Variants in PPFIBP2 observed in about 807,000 individuals in gnomAD.
The protein encoded by PPFIBP2 is liprin-beta-2.
PPFIBP2 carries 118 observed loss-of-function variants against 118.3 expected under a neutral mutation model. The ratio of observed to expected loss-of-function variants is 1.00; its 90% CI spans 0.86 to 1.16. The LOEUF (loss-of-function observed/expected upper bound fraction) is 1.16. Ranked by LOEUF, PPFIBP2 falls within the 50% of genes most tolerant of loss-of-function variation. The probability of loss-of-function intolerance (pLI) is 0.00; values close to 1 mark genes in which losing one functional copy is unlikely to be tolerated. For missense variants in PPFIBP2, 1,195 were observed against 1,073.1 expected (o/e 1.11, Z -1.59); for synonymous variants, 414 against 397.4 (o/e 1.04, Z -0.50).
At chr11:7,598,151 T>TTAAA in intron 5 of PPFIBP2, 1 of 161,280 alleles carries the variant, frequency 6.2e-6, no homozygotes, top group Non-Finnish European at 1.4e-5. Flanking sequence ...AAAAAGATAT[T>TTAAA]TAACTGTTCC....
Position 7,650,918 on chromosome 11 carries a change from G to C in PPFIBP2, c.2200G>C (p.Glu734Gln), listed in dbSNP as rs779434669. Reference sequence around the variant, plus strand: ...GTGGTTACGATCTGTGGACCTGGCAGAGTATGCACCCAATCTTCGAGGGAG... The same window carrying C: ...GTGGTTACGATCTGTGGACCTGGCACAGTATGCACCCAATCTTCGAGGGAG... ...MEWLRSVDLA[E>Q]YAPNLRGSGV... is the part of the protein sequence containing the mutation. Residue 734 changes from glutamate (E) to glutamine (Q), a missense_variant, in exon 22 of 24, where the codon GAG becomes CAG. Physicochemically the swap from Glu to Gln is conservative, Grantham distance 29. Transcript: ENST00000299492. 1.9e-6 allele frequency: 3 copies of C among 1,614,012 alleles called. No homozygotes were observed. Among genetic ancestry groups the C allele is most frequent in the East Asian group, 2.2e-5 (1 of 44,890 alleles).
chr11:7,559,268 G>T (rs1053606444), intron 2 of PPFIBP2, among the ~76,000 whole-genome samples: 39 of 152,154 alleles, frequency 2.6e-4, no homozygotes, highest in Non-Finnish European at 3.2e-4. Flanking sequence ...GTGGTTTATG[G>T]TGTCTTCTAA....
chr11:7,585,281 A>C lies in PPFIBP2; in HGVS notation c.280-7851A>C, dbSNP rs117078315. On this transcript the variant is annotated intron_variant, in intron 3 of 23. Coordinates refer to ENST00000299492, the MANE Select transcript of PPFIBP2 (RefSeq NM_003621.5). ...AGATGCATTTTGAGGATCCCAAGGC[A>C]AGAGCTCTGAGAAGCAACTGTTGGC... 3.7e-4 allele frequency among the ~76,000 whole-genome samples: 56 copies of C among 152,360 alleles called. No homozygotes were observed. The East Asian group carries it at 6.4e-3, about 17-fold the overall frequency.
intron 2 of PPFIBP2, among the ~76,000 whole-genome samples, chr11:7,562,434 G>A (rs946617736): frequency 6.6e-6 from 1 of 152,188 alleles, no homozygotes; most frequent in Non-Finnish European, 1.5e-5. Flanking sequence ...TAAAGCAGAA[G>A]GAGTCACAGT....
chr11:7,642,246 G>A, intron 16 of PPFIBP2, 52 bp from the exon 17 acceptor site: 1 of 1,603,622 alleles, frequency 6.2e-7, no homozygotes, highest in Non-Finnish European at 8.5e-7. Flanking sequence ...CACAGTGACT[G>A]TAGGCTTTCT....
the PPFIBP2 span, chr11:7,666,811 T>G: frequency 3.1e-6 from 1 of 319,950 alleles, no homozygotes; most frequent in Non-Finnish European, 5.9e-6. Flanking sequence ...CGCCTCCAAC[T>G]AGAAGGACCT....
chr11:7,550,823 G>T (rs759409362), intron 2 of PPFIBP2, among the ~76,000 whole-genome samples: 25 of 152,084 alleles, frequency 1.6e-4, no homozygotes, highest in Non-Finnish European at 3.5e-4. Context: ...ATATAAAACA[G>T]GCAGAAAAAC....
intron 5 of PPFIBP2, among the ~76,000 whole-genome samples, chr11:7,602,644 A>G (rs1162866265): frequency 1.3e-5 from 2 of 152,198 alleles, no homozygotes; most frequent in African/African-American, 2.4e-5. Context: ...TTCAATGTCA[A>G]AACAACACAG....
intron 3 of PPFIBP2, among the ~76,000 whole-genome samples, chr11:7,570,426 G>A (rs1855536835): frequency 6.6e-6 from 1 of 152,216 alleles, no homozygotes; most frequent in African/African-American, 2.4e-5. Flanking sequence ...CAGCCAGCCA[G>A]TCTGTTCTGC....
At chr11:7,654,422 A>G (rs1270102746), downstream of PPFIBP2, among the ~76,000 whole-genome samples, 3 of 152,154 alleles carry the variant, frequency 2.0e-5, no homozygotes, top group Non-Finnish European at 4.4e-5. Context: ...GAGTAACACC[A>G]CGTCACCGCT....
chr11:7,528,545 G>A (rs1235297283), intron 1 of PPFIBP2, among the ~76,000 whole-genome samples: 1 of 152,190 alleles, frequency 6.6e-6, no homozygotes, highest in African/African-American at 2.4e-5. Flanking sequence ...GGATACCAAG[G>A]TGTCAGCCCT....
chr11:7,527,062 G>A (rs1012165467), intron 1 of PPFIBP2, among the ~76,000 whole-genome samples: 1 of 150,642 alleles, frequency 6.6e-6, no homozygotes, highest in Non-Finnish European at 1.5e-5. Context: ...TGATCCAGGA[G>A]GACACTGGTC....
chr11:7,645,378 T>A (rs112250298), intron 17 of PPFIBP2, among the ~76,000 whole-genome samples: 2 of 152,220 alleles, frequency 1.3e-5, no homozygotes, highest in Non-Finnish European at 2.9e-5. Context: ...TAATGAACTG[T>A]AAATTATAAA....
chr11:7,651,088 C>A, intron 22 of PPFIBP2, 123 bp downstream of exon 22: 2 of 1,049,096 alleles, frequency 1.9e-6, no homozygotes, highest in Non-Finnish European at 2.7e-6. Flanking sequence ...GGAGGTCTTG[C>A]ATAATTTGAT....
chr11:7,531,380 C>A (rs1590132116), intron 1 of PPFIBP2, among the ~76,000 whole-genome samples: 1 of 152,258 alleles, frequency 6.6e-6, no homozygotes, highest in East Asian at 1.9e-4. Context: ...TCTGGTCAGG[C>A]TGCAGGATCT....
At chr11:7,608,831 A>T (rs1465995815) in intron 5 of PPFIBP2, among the ~76,000 whole-genome samples, 1 of 152,230 alleles carries the variant, frequency 6.6e-6, no homozygotes, top group Non-Finnish European at 1.5e-5. Flanking sequence ...TCTGGTACAG[A>T]GGAGGCACTC....
chr11:7,615,353 A>AG lies in PPFIBP2; in HGVS notation c.618+4932dup, dbSNP rs1376131767. Among the ~76,000 whole-genome samples, 386 of 148,158 alleles carry AG rather than the reference A, an allele frequency of 2.6e-3. 1 individual carries two copies. Among genetic ancestry groups the AG allele is most frequent in the Non-Finnish European group, 4.5e-3 (303 of 67,054 alleles). On this transcript the variant is annotated intron_variant, in intron 6 of 23. Transcript: ENST00000299492. ...TCCGTCTCAAAAAAAAAAAAAAAAA[A>AG]GAATTATAAAGCTAAGTTGAAATGC...
chr11:7,664,581 C>G, the PPFIBP2 span, among the ~76,000 whole-genome samples: 1 of 152,172 alleles, frequency 6.6e-6, no homozygotes, highest in Admixed American at 6.5e-5. Flanking sequence ...AGCAAAATCA[C>G]CCTCAGTTGA....
intron 11 of PPFIBP2, 138 bp from the exon 12 acceptor site, chr11:7,632,729 C>T: frequency 1.5e-6 from 1 of 646,452 alleles, no homozygotes; most frequent in Non-Finnish European, 2.8e-6. Flanking sequence ...AGCAAGGCAT[C>T]TATAATGATG....
Sources: allele counts gnomAD v4.1 joint callset (sites outside exome capture counted in the v4.1 genomes callset), GRCh38; gene constraint gnomAD v4.1.1; transcripts MANE v1.5; gene names NCBI Gene and HGNC (gene_info 2026-07-23, HGNC 2026-07-21).